The following STK24 variants were observed in gnomAD, a reference collection of about 807,000 sequenced individuals.
The protein encoded by STK24 is serine/threonine-protein kinase 24.
STK24 carries 21 observed loss-of-function variants against 55.6 expected under a neutral mutation model. The observed-to-expected ratio is 0.38, with a 90% CI of 0.27 to 0.54. The LOEUF (loss-of-function observed/expected upper bound fraction) is 0.54. Among genes scored for constraint, STK24 ranks in the 20% least tolerant of loss-of-function variants. The pLI is 0.79. For synonymous variants in STK24, 200 were observed against 215.2 expected, an observed-to-expected ratio of 0.93 and a Z score of 0.62; for missense variants, 383 against 538.4, an observed-to-expected ratio of 0.71 and a Z score of 2.86.
intron 1 of STK24, among the ~76,000 whole-genome samples, chr13:98,537,853 C>T (rs1300836299): frequency 6.6e-6 from 1 of 152,250 alleles, no homozygotes; most frequent in Non-Finnish European, 1.5e-5. Context: ...CCTCAGCTGC[C>T]TCTTCTATAG....
chr13:98,466,313 G>T, intron 6 of STK24, 63 bp downstream of exon 6: 12 of 1,534,454 alleles, frequency 7.8e-6, no homozygotes, highest in African/African-American at 1.4e-5. Context: ...ATCCCAACAG[G>T]ATGTATCTCA....
At chr13:98,551,415 A>G (rs558892389) in intron 1 of STK24, among the ~76,000 whole-genome samples, 9 of 151,254 alleles carry the variant, frequency 6.0e-5, no homozygotes, top group African/African-American at 2.2e-4. Flanking sequence ...TATCTAATCC[A>G]TTAAGGAGAC....
At chr13:98,491,454 T>C (rs1259594879) in intron 2 of STK24, among the ~76,000 whole-genome samples, 1 of 152,104 alleles carries the variant, frequency 6.6e-6, no homozygotes, top group Non-Finnish European at 1.5e-5. Context: ...CGCTGTAACA[T>C]CAACATCAAC....
intron 6 of STK24, among the ~76,000 whole-genome samples, chr13:98,464,726 A>G (rs965296380): frequency 1.3e-5 from 2 of 151,826 alleles, no homozygotes; most frequent in Non-Finnish European, 2.9e-5. Context: ...TGAACTCCTG[A>G]CCTCAGGTGA....
intron 1 of STK24, among the ~76,000 whole-genome samples, chr13:98,562,323 C>G (rs1452050048): frequency 6.6e-6 from 1 of 152,106 alleles, no homozygotes; most frequent in Non-Finnish European, 1.5e-5. Context: ...CTCAACCCCC[C>G]ACTTCACATG....
In STK24 at chr13:98,577,036, C is replaced by CGCT. The variant is rs1204559423; in HGVS notation, c.-253_-251dup. ...GCCTCGCGCGCACTGCCGCCGCCGCCGCTGCTGCCGCTACTGCTGGGCTGG... is the reference window on the plus strand; with the variant it reads ...GCCTCGCGCGCACTGCCGCCGCCGCCGCTGCTGCTGCCGCTACTGCTGGGCTGG... On this transcript the variant is annotated 5_prime_UTR_variant, in exon 1 of 11. Transcript: ENST00000539966. The surrounding 1 kb of genome is among the most constrained non-coding windows in gnomAD (Gnocchi z 4.1). 1.4e-5 allele frequency: 2 copies of CGCT among 147,484 alleles called. No individual in the cohort carries two copies. Among genetic ancestry groups the CGCT allele is most frequent in the Non-Finnish European group, 3.0e-5 (2 of 66,814 alleles). 9.1% of individuals were successfully genotyped at this position (147,484 alleles called of 1,614,324 possible). A position where few individuals can be genotyped will look rare whatever the true frequency, so the allele number is the denominator to read the frequency against.
intron 2 of STK24, among the ~76,000 whole-genome samples, chr13:98,514,763 A>G (rs918089401): frequency 1.2e-4 from 18 of 152,360 alleles, no homozygotes; most frequent in African/African-American, 3.8e-4. Context: ...AATTTATCAT[A>G]AAAGAAAATG....
At position 98,450,223 on chromosome 13, in the gene STK24, G is replaced by A. The variant is rs1326088008; in HGVS notation, c.*2950C>T. The A allele has an allele frequency of 6.6e-6, 1 of 152,006 alleles. No homozygotes were observed. Among genetic ancestry groups the A allele is most frequent in the Non-Finnish European group, 1.5e-5 (1 of 67,992 alleles). The allele number at this position is 152,006 out of a possible 1,614,324, so 9.4% of individuals were successfully genotyped here. Reference sequence around the variant, plus strand: ...ATACTCGTTTTCTTGAGCTTTATTGGCCCCTGCATGATACAGTCCCTGTGC... The same window carrying A: ...ATACTCGTTTTCTTGAGCTTTATTGACCCCTGCATGATACAGTCCCTGTGC... On this transcript the variant is annotated 3_prime_UTR_variant, in exon 11 of 11. Coordinates refer to ENST00000539966, the MANE Select transcript of STK24 (RefSeq NM_001032296.4).
intron 5 of STK24, among the ~76,000 whole-genome samples, chr13:98,472,908 A>G (rs1043739370): frequency 1.3e-5 from 2 of 152,088 alleles, no homozygotes; most frequent in Admixed American, 6.5e-5. Context: ...CTCAGCTTGC[A>G]TCTCAACTAG....
chr13:98,492,272 T>C (rs548675882), intron 2 of STK24, among the ~76,000 whole-genome samples: 2 of 151,696 alleles, frequency 1.3e-5, no homozygotes, highest in African/African-American at 4.8e-5. Flanking sequence ...GAGGAAGAGG[T>C]TCCTATTAAG....
At chr13:98,561,305 G>C (rs964461666) in intron 1 of STK24, among the ~76,000 whole-genome samples, 1 of 152,054 alleles carries the variant, frequency 6.6e-6, no homozygotes, top group African/African-American at 2.4e-5. Flanking sequence ...CAAGGAGGTC[G>C]GGCACGGTGG....
rs1452429965 is a variant in STK24, at chr13:98,450,305, A to G, written c.*2868T>C. 6.6e-6 allele frequency: 1 copy of G among 152,220 alleles called. No homozygotes were observed. The highest frequency in any genetic ancestry group is 1.5e-5 in the Non-Finnish European group (1 of 68,036). The allele number at this position is 152,220 out of a possible 1,614,324, so 9.4% of individuals were successfully genotyped here. A position where few individuals can be genotyped will look rare whatever the true frequency, so the allele number is the denominator to read the frequency against. ...TTTGCTGACACATTTTATAGCAGAA[A>G]TACACAAGCTGTTTTTAAAGGAGGG... On this transcript the variant is annotated 3_prime_UTR_variant, in exon 11 of 11. Transcript: ENST00000539966.
At chr13:98,472,651 G>A (rs778355861) in intron 5 of STK24, among the ~76,000 whole-genome samples, 6 of 152,128 alleles carry the variant, frequency 3.9e-5, no homozygotes, top group Non-Finnish European at 5.9e-5. Context: ...TCCTTTGAAG[G>A]CACTTAATTT....
At chr13:98,522,882 C>T (rs1222462992) in intron 1 of STK24, among the ~76,000 whole-genome samples, 1 of 152,164 alleles carries the variant, frequency 6.6e-6, no homozygotes, top group African/African-American at 2.4e-5. Context: ...GACAGGGGGT[C>T]CTGGAGGGAA....
intron 1 of STK24, among the ~76,000 whole-genome samples, chr13:98,522,350 C>T (rs1340404663): frequency 6.6e-6 from 1 of 152,198 alleles, no homozygotes; most frequent in Non-Finnish European, 1.5e-5. Flanking sequence ...TTTCCCAAAC[C>T]TGCCCGAACA....
At chr13:98,547,653 G>A (rs1430622803) in intron 1 of STK24, among the ~76,000 whole-genome samples, 2 of 152,206 alleles carry the variant, frequency 1.3e-5, no homozygotes, top group Admixed American at 6.5e-5. Context: ...CAGGATTCCT[G>A]TAATGACACG....
intron 1 of STK24, among the ~76,000 whole-genome samples, chr13:98,565,910 G>A (rs559259679): frequency 2.6e-5 from 4 of 152,234 alleles, no homozygotes; most frequent in East Asian, 1.9e-4. Flanking sequence ...CAAGTTTCCC[G>A]ATCAGGAGGA....
At chr13:98,562,522 G>A (rs1270340732) in intron 1 of STK24, among the ~76,000 whole-genome samples, 3 of 152,088 alleles carry the variant, frequency 2.0e-5, no homozygotes, top group Admixed American at 6.5e-5. Context: ...AATTATTTTC[G>A]GGGAATTTCA....
intron 3 of STK24, among the ~76,000 whole-genome samples, chr13:98,480,837 C>T (rs1180218060): frequency 6.6e-6 from 1 of 152,264 alleles, no homozygotes; most frequent in Non-Finnish European, 1.5e-5. Flanking sequence ...GATCCTCCCA[C>T]TTCAGTCTCC....
Sources: gnomAD v4.1 joint callset for allele counts (sites outside exome capture counted in the v4.1 genomes callset) on GRCh38, gnomAD v4.1.1 for gene constraint, Gnocchi (gnomAD v3.1) non-coding constraint, MANE v1.5 for transcripts, NCBI Gene and HGNC (gene_info 2026-07-23, HGNC 2026-07-21) for gene names.